Variants in CCDC190 observed in about 807,000 individuals in gnomAD.
The protein encoded by CCDC190 is coiled-coil domain-containing protein 190.
In CCDC190, 10 loss-of-function variants were observed where a neutral mutation model predicts 13.1. The ratio of observed to expected loss-of-function variants is 0.77; its 90% CI spans 0.47 to 1.30. The LOEUF is 1.30. CCDC190 is among the 50% of genes most tolerant of loss of function. The pLI is 0.00. For synonymous variants in CCDC190, 136 were observed against 127.2 expected, an observed-to-expected ratio of 1.07 and a Z score of -0.47; for missense variants, 375 against 354.3, an observed-to-expected ratio of 1.06 and a Z score of -0.47.
Position 162,854,710 on chromosome 1 carries a change from G to T in CCDC190, c.*55C>A. ...GTATTGCTTAATATAGTCATTTGAG[G>T]AACACATTTCCTTAGCAATAATGGC... On this transcript the variant is annotated 3_prime_UTR_variant, in exon 4 of 4. Coordinates refer to ENST00000367912, the MANE Select transcript of CCDC190 (RefSeq NM_001394065.1). The T allele has an allele frequency of 6.5e-7, 1 of 1,528,766 alleles. No homozygotes were observed. Among genetic ancestry groups the T allele is most frequent in the South Asian group, 1.3e-5 (1 of 77,232 alleles). 94.7% of individuals were successfully genotyped at this position (1,528,766 alleles called of 1,614,324 possible). A position where few individuals can be genotyped will look rare whatever the true frequency, so the allele number is the denominator to read the frequency against.
intron 1 of CCDC190, among the ~76,000 whole-genome samples, chr1:162,867,238 A>G (rs1394356694): frequency 6.6e-6 from 1 of 152,188 alleles, no homozygotes; most frequent in Non-Finnish European, 1.5e-5. Flanking sequence ...AAATAACACC[A>G]ACAACTTAAC....
At chr1:162,858,681 C>A (rs1016337342) in intron 2 of CCDC190, among the ~76,000 whole-genome samples, 12 of 152,196 alleles carry the variant, frequency 7.9e-5, no homozygotes, top group African/African-American at 2.9e-4. Flanking sequence ...AGGATGTAGT[C>A]TTCAAGAGCT....
At position 162,854,429 on chromosome 1, in the gene CCDC190, C is replaced by G; in HGVS notation, c.*336G>C. The G allele has an allele frequency of 1.9e-6, 2 of 1,057,812 alleles. No individual in the cohort carries two copies. Among genetic ancestry groups the G allele is most frequent in the Non-Finnish European group, 2.3e-6 (2 of 875,292 alleles). 65.5% of individuals were successfully genotyped at this position (1,057,812 alleles called of 1,614,324 possible). ...TATGCCGTTTTGCCAGCAGGTGGCA[C>G]CATGAGAATCTCCTAGAGGAAACAG... On this transcript the variant is annotated 3_prime_UTR_variant, in exon 4 of 4. Coordinates refer to ENST00000367912, the MANE Select transcript of CCDC190 (RefSeq NM_001394065.1).
intron 1 of CCDC190, among the ~76,000 whole-genome samples, chr1:162,860,695 C>T (rs1650480212): frequency 6.6e-6 from 1 of 151,896 alleles, no homozygotes; most frequent in African/African-American, 2.4e-5. Context: ...GTAGCTTGGA[C>T]TACAGGCCTG....
chr1:162,863,986 T>A (rs1650612860), upstream of CCDC190, among the ~76,000 whole-genome samples: 2 of 144,626 alleles, frequency 1.4e-5, no homozygotes, highest in Non-Finnish European at 3.0e-5. Context: ...GCCATTGCAC[T>A]CCTGGGTGAC....
chr1:162,861,383 T>C (rs1265140732), upstream of CCDC190, among the ~76,000 whole-genome samples: 3 of 151,856 alleles, frequency 2.0e-5, no homozygotes, highest in Non-Finnish European at 4.4e-5. Flanking sequence ...AAGCAAGGAG[T>C]GTGTAACTGT....
chr1:162,862,491 G>T (rs1261882795), upstream of CCDC190, among the ~76,000 whole-genome samples: 2 of 152,152 alleles, frequency 1.3e-5, no homozygotes, highest in Non-Finnish European at 2.9e-5. Context: ...GCTCTTCTTG[G>T]AAGACAGTGC....
At chr1:162,855,873 A>G (rs559619941) in intron 2 of CCDC190, 118 bp from the exon 3 acceptor site, 1 of 869,620 alleles carries the variant, frequency 1.1e-6, no homozygotes, top group African/African-American at 1.7e-5. Flanking sequence ...AGGTCTTTAC[A>G]GAGAAAATCA....
rs1383786561 is a variant in CCDC190, at chr1:162,853,189, A to G, written c.*1576T>C. On this transcript the variant is annotated 3_prime_UTR_variant, in exon 4 of 4. Transcript: ENST00000367912. ...GATGAAACTGACTCTCAAATGTTTG[A>G]TCTAAGTTTTTGTCTTCAGATAGGT... 1.3e-6 allele frequency: 2 copies of G among 1,529,096 alleles called. No individual in the cohort carries two copies. Among genetic ancestry groups the G allele is most frequent in the Non-Finnish European group, 1.8e-6 (2 of 1,134,362 alleles). The allele number at this position is 1,529,096 out of a possible 1,614,324, so 94.7% of individuals were successfully genotyped here. A position where few individuals can be genotyped will look rare whatever the true frequency, so the allele number is the denominator to read the frequency against.
chr1:162,853,100 C>T lies in CCDC190; in HGVS notation c.*1665G>A. On this transcript the variant is annotated 3_prime_UTR_variant, in exon 4 of 4. Transcript: ENST00000367912. ...TCATGGAAGAAAGTGTTGGAGGAAG[C>T]AGATTTCTTGTGTTCCTTTCACTAT... is the stretch of plus-strand genomic sequence containing the variant. The T allele has an allele frequency of 1.3e-6, 2 of 1,549,072 alleles. No homozygotes were observed. The highest frequency in any genetic ancestry group is 8.7e-7 in the Non-Finnish European group (1 of 1,145,490).
rs1650282188 is a variant in CCDC190 at position 162,855,769 on chromosome 1, A to T, written c.188-14T>A. 1 of 1,574,522 alleles carries T rather than the reference A, an allele frequency of 6.4e-7. No individual in the cohort carries two copies. The highest frequency in any genetic ancestry group is 8.6e-7 in the Non-Finnish European group (1 of 1,157,344). ...TCTTCATGGTTTCTGCTTTGAGTTAATTAAGAAGTGTTATGAGTTGGATTG... is the reference window on the plus strand; with the variant it reads ...TCTTCATGGTTTCTGCTTTGAGTTATTTAAGAAGTGTTATGAGTTGGATTG... On this transcript the variant is annotated splice_polypyrimidine_tract_variant and intron_variant, in intron 2 of 3. Transcript: ENST00000367912.
intron 3 of CCDC190, 40 bp downstream of exon 3, chr1:162,855,592 C>A: frequency 1.2e-6 from 2 of 1,606,716 alleles, no homozygotes; most frequent in Non-Finnish European, 1.7e-6. Flanking sequence ...GGAAGAGAGA[C>A]TTAATGTCAT....
At chr1:162,867,907 T>C (rs976425103) in intron 1 of CCDC190, among the ~76,000 whole-genome samples, 4 of 152,114 alleles carry the variant, frequency 2.6e-5, no homozygotes, top group African/African-American at 4.8e-5. Flanking sequence ...ATCAGATCAG[T>C]GGTTGCCTGG....
rs773898696 is a variant in CCDC190, at chr1:162,854,781, T to A, written c.890A>T (p.Lys297Met). 1.9e-6 allele frequency: 3 copies of A among 1,609,632 alleles called. No homozygotes were observed. The highest frequency in any genetic ancestry group is 2.5e-6 in the Non-Finnish European group (3 of 1,177,008). ...GTTAAACGGTTAGAGAGGAAGAAAC[T>A]TAGAAGGCACCCTGTTTTCACACTC... Reference protein sequence around the residue: ...GKECENRVPSKFLPL With the variant: ...GKECENRVPSMFLPL Residue 297 changes from lysine to methionine, a missense_variant, in exon 4 of 4, where the codon AAG becomes ATG. Lys to Met is a moderately conservative substitution (Grantham distance 95, BLOSUM62 -1). Transcript: ENST00000367912.
In CCDC190 at chr1:162,855,340, C is replaced by T. The variant is rs1167527506; in HGVS notation, c.331G>A (p.Ala111Thr). The T allele has an allele frequency of 3.7e-6, 6 of 1,604,208 alleles. No homozygotes were observed. The highest frequency in any genetic ancestry group is 1.7e-6 in the Non-Finnish European group (2 of 1,177,638). The stretch of plus-strand genomic sequence containing the variant: ...GACTTGCTTTTGCATGTGTCTTGGG[C>T]CATACGGGTTGCCAATGCTCTGAGA... ...KKMRALATRMAQDTCKSKSQV... is the reference protein window; with the variant it reads ...KKMRALATRMTQDTCKSKSQV... The change falls in exon 4 of 4, where the codon GCC becomes ACC. Residue 111 changes from alanine to threonine, a missense_variant. Physicochemically the swap from Ala to Thr is moderately conservative, Grantham distance 58. Coordinates refer to ENST00000367912, the MANE Select transcript of CCDC190 (RefSeq NM_001394065.1).
rs1439805696 is a variant in CCDC190, at chr1:162,859,399, A to T, written c.187+61T>A. Reference sequence around the variant, plus strand: ...GCTCTGAAAGGGCCTCAGCGGAGTGATGGGCCTGCTGCCCTGCTGTGCCTC... The same window carrying T: ...GCTCTGAAAGGGCCTCAGCGGAGTGTTGGGCCTGCTGCCCTGCTGTGCCTC... On this transcript the variant is annotated intron_variant, in intron 2 of 3. Coordinates refer to ENST00000367912, the MANE Select transcript of CCDC190 (RefSeq NM_001394065.1). The T allele has an allele frequency of 4.1e-6, 6 of 1,474,538 alleles. No individual in the cohort carries two copies. The East Asian group carries it at 1.4e-4, about 34-fold the overall frequency. The allele number at this position is 1,474,538 out of a possible 1,614,324, so 91.3% of individuals were successfully genotyped here.
intron 2 of CCDC190, among the ~76,000 whole-genome samples, chr1:162,858,622 T>C (rs10917616): frequency 0.15 from 22,503 of 152,256 alleles, 1,791 homozygotes; most frequent in African/African-American, 0.18. Context: ...CTTGAACATG[T>C]TCTGTCCATT....
chr1:162,854,399 A>C lies in CCDC190; in HGVS notation c.*366T>G. The C allele has an allele frequency of 1.9e-6, 2 of 1,038,396 alleles. No individual in the cohort carries two copies. The highest frequency in any genetic ancestry group is 2.3e-6 in the Non-Finnish European group (2 of 862,334). 64.3% of individuals were successfully genotyped at this position (1,038,396 alleles called of 1,614,324 possible). ...TATATATCAAACTAAAACAGAGAGA[A>C]TAGCTATGCCGTTTTGCCAGCAGGT... On this transcript the variant is annotated 3_prime_UTR_variant, in exon 4 of 4. Coordinates refer to ENST00000367912, the MANE Select transcript of CCDC190 (RefSeq NM_001394065.1).
Position 162,853,275 on chromosome 1 carries a change from C to G in CCDC190, c.*1490G>C. ...AATTGAGTAGAAGAGAGATCAAATG[C>G]TAGTCTGCCATCTATTAGCAAGTTA... On this transcript the variant is annotated 3_prime_UTR_variant, in exon 4 of 4. Transcript: ENST00000367912. The G allele has an allele frequency of 1.4e-6, 1 of 727,272 alleles. No individual in the cohort carries two copies. The highest frequency in any genetic ancestry group is 2.1e-6 in the Non-Finnish European group (1 of 465,242). 45.1% of individuals were successfully genotyped at this position (727,272 alleles called of 1,614,324 possible).
Sources: gnomAD v4.1 joint callset for allele counts (sites outside exome capture counted in the v4.1 genomes callset) on GRCh38, gnomAD v4.1.1 for gene constraint, MANE v1.5 for transcripts, NCBI Gene and HGNC (gene_info 2026-07-23, HGNC 2026-07-21) for gene names.